KIRREL3: variants seen among roughly 807,000 people sequenced by gnomAD.
KIRREL3 encodes kin of IRRE-like protein 3.
KIRREL3 carries 36 observed loss-of-function variants against 89.7 expected under a neutral mutation model. That is an observed-to-expected ratio of 0.40 (90% CI 0.31 to 0.53). The LOEUF (loss-of-function observed/expected upper bound fraction) is 0.53, where lower values mean the gene tolerates loss of function less well. KIRREL3 is among the 20% of genes least tolerant of loss of function. The pLI is 0.49. For missense variants in KIRREL3, 864 were observed against 1,056.6 expected (o/e 0.82, Z 2.53); for synonymous variants, 445 against 441.4 (o/e 1.01, Z -0.10).
Position 126,998,956 on chromosome 11 carries a change from T to TGTGTGTGTGC in KIRREL3, c.55+1498_55+1499insGCACACACAC, listed in dbSNP as rs55920555. On this transcript the variant is annotated intron_variant, in intron 1 of 16. Coordinates refer to ENST00000525144, the MANE Select transcript of KIRREL3 (RefSeq NM_032531.4). ...GTGTGTGTGTGTGTGTGTGTGTGTG[T>TGTGTGTGTGC]GCTCATAAGCAAGCACATACACATC... Among the ~76,000 whole-genome samples, 8 of 120,690 alleles carry TGTGTGTGTGC rather than the reference T, an allele frequency of 6.6e-5. No individual in the cohort carries two copies. The South Asian group carries it at 8.2e-4, about 12-fold the overall frequency. 79.2% of individuals were successfully genotyped at this position (120,690 alleles called of 152,430 possible).
At position 126,594,863 on chromosome 11, in the gene KIRREL3, G is replaced by A. The variant is rs778458417; in HGVS notation, c.56-31951C>T. 3.9e-5 allele frequency among the ~76,000 whole-genome samples: 6 copies of A among 152,194 alleles called. No individual in the cohort carries two copies. Among genetic ancestry groups the A allele is most frequent in the Non-Finnish European group, 5.9e-5 (4 of 68,026 alleles). ...CTCGATCTTTTCTGTTAGCATTTCC[G>A]CCACGTGCTTCTCAGCGTTTTGCCC... On this transcript the variant is annotated intron_variant, in intron 1 of 16. Coordinates refer to ENST00000525144, the MANE Select transcript of KIRREL3 (RefSeq NM_032531.4). This position sits in a 1 kb window ranked among gnomAD's most constrained non-coding sequence, Gnocchi z 5.0.
intron 4 of KIRREL3, among the ~76,000 whole-genome samples, chr11:126,499,579 G>A (rs1957787698): frequency 6.6e-6 from 1 of 152,238 alleles, no homozygotes; most frequent in African/African-American, 2.4e-5. Flanking sequence ...TGTTGACTGG[G>A]CTGACATCCG....
At chr11:126,945,315 G>A (rs1948586904) in intron 1 of KIRREL3, among the ~76,000 whole-genome samples, 1 of 152,210 alleles carries the variant, frequency 6.6e-6, no homozygotes, top group Non-Finnish European at 1.5e-5. Context: ...TCAGCCACAA[G>A]TGTGGCTCTG....
intron 1 of KIRREL3, among the ~76,000 whole-genome samples, chr11:126,591,145 G>C (rs111375757): frequency 7.9e-5 from 12 of 152,280 alleles, no homozygotes; most frequent in African/African-American, 2.9e-4. Context: ...AGGATCGCTT[G>C]AGCCCGGGTG....
upstream of KIRREL3, chr11:127,002,919 T>C (rs1307029236): frequency 6.6e-6 from 1 of 152,068 alleles, no homozygotes; most frequent in Non-Finnish European, 1.5e-5. Context: ...CACTGACTCT[T>C]GGAAAGAAGA....
At chr11:126,767,694 A>G (rs539836342) in intron 1 of KIRREL3, among the ~76,000 whole-genome samples, 1 of 152,322 alleles carries the variant, frequency 6.6e-6, no homozygotes, top group South Asian at 2.1e-4. Context: ...ACATTAAATC[A>G]GTCAGCGGAT....
In KIRREL3 at chr11:126,497,221, T is replaced by A. The variant is rs934063030; in HGVS notation, c.434-23755A>T. ...GTGTGTGAGTGTGAGTGTGTGAGAG[T>A]GAGTGTGTGTGAGACAGTGTGAGTG... On this transcript the variant is annotated intron_variant, in intron 4 of 16. Coordinates refer to ENST00000525144, the MANE Select transcript of KIRREL3 (RefSeq NM_032531.4). Among the ~76,000 whole-genome samples the A allele has an allele frequency of 2.5e-5, 3 of 117,914 alleles. No individual in the cohort carries two copies. The South Asian group carries it at 7.2e-4, about 28-fold the overall frequency. The allele number at this position is 117,914 out of a possible 152,430, so 77.4% of individuals were successfully genotyped here. A position where few individuals can be genotyped will look rare whatever the true frequency, so the allele number is the denominator to read the frequency against.
In KIRREL3 at chr11:126,544,959, C is replaced by T. The variant is rs1938684748; in HGVS notation, c.133+17876G>A. 6.6e-6 allele frequency among the ~76,000 whole-genome samples: 1 copy of T among 152,152 alleles called. No individual in the cohort carries two copies. Among genetic ancestry groups the T allele is most frequent in the African/African-American group, 2.4e-5 (1 of 41,424 alleles). ...ACTCAACGTGCAACATTGCCTTACG[C>T]AATCTAATAAATTACTTGGTACCCG... On this transcript the variant is annotated intron_variant, in intron 2 of 16. Coordinates refer to ENST00000525144, the MANE Select transcript of KIRREL3 (RefSeq NM_032531.4). The surrounding 1 kb of genome is among the most constrained non-coding windows in gnomAD (Gnocchi z 5.6).
intron 1 of KIRREL3, among the ~76,000 whole-genome samples, chr11:126,816,442 T>A (rs1399501258): frequency 6.6e-6 from 1 of 152,238 alleles, no homozygotes; most frequent in Non-Finnish European, 1.5e-5. Context: ...AGGAGTGGGC[T>A]GATGGCAGGT....
intron 1 of KIRREL3, among the ~76,000 whole-genome samples, chr11:126,831,174 C>G (rs1028244753): frequency 1.3e-5 from 2 of 152,168 alleles, no homozygotes; most frequent in African/African-American, 2.4e-5. Context: ...GTATCAAATA[C>G]CCGGCATGAT....
Position 126,696,609 on chromosome 11 carries a change from C to CACCA in KIRREL3, c.56-133701_56-133698dup, listed in dbSNP as rs1306222261. 6.6e-6 allele frequency among the ~76,000 whole-genome samples: 1 copy of CACCA among 152,226 alleles called. No individual in the cohort carries two copies. Among genetic ancestry groups the CACCA allele is most frequent in the Non-Finnish European group, 1.5e-5 (1 of 68,044 alleles). ...GATCCCCAAACGTTGCTGATCAACA[C>CACCA]ACCACAGCTGGAATCCACAGAGGCG... On this transcript the variant is annotated intron_variant, in intron 1 of 16. Transcript: ENST00000525144. The surrounding 1 kb of genome is among the most constrained non-coding windows in gnomAD (Gnocchi z 4.4).
Position 126,424,539 on chromosome 11 carries a change from G to A in KIRREL3, c.*41C>T, listed in dbSNP as rs376933213. 59 of 1,596,236 alleles carry A rather than the reference G, an allele frequency of 3.7e-5. No homozygotes were observed. Among genetic ancestry groups the A allele is most frequent in the Non-Finnish European group, 5.1e-5 (59 of 1,167,734 alleles). On this transcript the variant is annotated 3_prime_UTR_variant, in exon 17 of 17. Coordinates refer to ENST00000525144, the MANE Select transcript of KIRREL3 (RefSeq NM_032531.4). Reference sequence around the variant, plus strand: ...TCCCTGGACAACCAGAACGTGCCCTGACCTCTTCCCTGGCCCGTCCCCACC... The same window carrying A: ...TCCCTGGACAACCAGAACGTGCCCTAACCTCTTCCCTGGCCCGTCCCCACC...
rs1227589563 is a variant in KIRREL3, at chr11:126,796,251, CA to C, written c.55+204203del. ...ACTGATTCTATGTTAAAATGGTGAA[CA>C]AAAAAACCAAGGACTTGACCAGATG... On this transcript the variant is annotated intron_variant, in intron 1 of 16. Coordinates refer to ENST00000525144, the MANE Select transcript of KIRREL3 (RefSeq NM_032531.4). This position sits in a 1 kb window ranked among gnomAD's most constrained non-coding sequence, Gnocchi z 5.1. 6.6e-6 allele frequency among the ~76,000 whole-genome samples: 1 copy of C among 150,816 alleles called. No individual in the cohort carries two copies. The highest frequency in any genetic ancestry group is 1.5e-5 in the Non-Finnish European group (1 of 67,718).
At chr11:126,784,890 A>G (rs1248679725) in intron 1 of KIRREL3, among the ~76,000 whole-genome samples, 1 of 152,228 alleles carries the variant, frequency 6.6e-6, no homozygotes, top group Non-Finnish European at 1.5e-5. Context: ...AGGATCACCT[A>G]TGACTGTCAA....
At chr11:126,613,871 CTTTTTTT>C (rs5795506) in intron 1 of KIRREL3, among the ~76,000 whole-genome samples, 1 of 88,542 alleles carries the variant, frequency 1.1e-5, no homozygotes, top group Non-Finnish European at 2.2e-5. Flanking sequence ...AATACTGTTG[CTTTTTTT>C]TTTTTTTTTT....
At position 126,431,135 on chromosome 11, in the gene KIRREL3, G is replaced by T; in HGVS notation, c.1696+284C>A. On this transcript the variant is annotated intron_variant, in intron 14 of 16. Coordinates refer to ENST00000525144, the MANE Select transcript of KIRREL3 (RefSeq NM_032531.4). The surrounding 1 kb of genome is among the most constrained non-coding windows in gnomAD (Gnocchi z 7.1). ...GCTTTTCCCCCTATCTTTCTGTACA[G>T]TTCCTGACTGAAAGAGCTATGTGTT... 1 of 1,433,316 alleles carries T rather than the reference G, an allele frequency of 7.0e-7. No individual in the cohort carries two copies. The highest frequency in any genetic ancestry group is 2.5e-5 in the East Asian group (1 of 39,758). The allele number at this position is 1,433,316 out of a possible 1,614,324, so 88.8% of individuals were successfully genotyped here.
At position 126,430,881 on chromosome 11, in the gene KIRREL3, C is replaced by T. The variant is rs1294419588; in HGVS notation, c.1696+538G>A. On this transcript the variant is annotated intron_variant, in intron 14 of 16. Transcript: ENST00000525144. The surrounding 1 kb of genome is among the most constrained non-coding windows in gnomAD (Gnocchi z 6.6). ...TCTCACACGTTATCTCCTCGGTGCA[C>T]GCAATTCTTCAAGCGTGCACAAACA... The T allele has an allele frequency of 9.9e-6, 7 of 708,832 alleles. No homozygotes were observed. Among genetic ancestry groups the T allele is most frequent in the Admixed American group, 5.6e-5 (1 of 17,820 alleles). 43.9% of individuals were successfully genotyped at this position (708,832 alleles called of 1,614,324 possible).
At chr11:126,446,343 T>C (rs1955814248) in intron 9 of KIRREL3, among the ~76,000 whole-genome samples, 1 of 151,748 alleles carries the variant, frequency 6.6e-6, no homozygotes, top group East Asian at 1.9e-4. Flanking sequence ...TTTCCTTTCT[T>C]CTTCTTTTTT....
rs1411949127 is a variant in KIRREL3 at position 126,940,469 on chromosome 11, C to T, written c.55+59986G>A. 1 of 152,160 alleles carries T rather than the reference C, an allele frequency of 6.6e-6. No homozygotes were observed. The highest frequency in any genetic ancestry group is 1.5e-5 in the Non-Finnish European group (1 of 68,042). 9.4% of individuals were successfully genotyped at this position (152,160 alleles called of 1,614,324 possible). A position where few individuals can be genotyped will look rare whatever the true frequency, so the allele number is the denominator to read the frequency against. On this transcript the variant is annotated intron_variant, in intron 1 of 16. Transcript: ENST00000525144. The surrounding 1 kb of genome is among the most constrained non-coding windows in gnomAD (Gnocchi z 4.6). ...CTTACCCGAGTGAAGCTTTAAAAGT[C>T]ATTATGAATCCATTAGCTCAGCAGA...
Sources: gnomAD v4.1 joint callset for allele counts (sites outside exome capture counted in the v4.1 genomes callset) on GRCh38, gnomAD v4.1.1 for gene constraint, Gnocchi (gnomAD v3.1) non-coding constraint, MANE v1.5 for transcripts, NCBI Gene and HGNC (gene_info 2026-07-23, HGNC 2026-07-21) for gene names.